Variants in NRXN1 observed in about 807,000 individuals in gnomAD.
The protein encoded by NRXN1 is neurexin-1.
Under a neutral mutation model 150.9 loss-of-function variants are expected in NRXN1, and 39 were observed. The ratio of observed to expected loss-of-function variants is 0.26; its 90% confidence interval spans 0.20 to 0.34. The LOEUF (loss-of-function observed/expected upper bound fraction) is 0.34, where lower values mean the gene tolerates loss of function less well. NRXN1 is among the 10% of genes least tolerant of loss of function. NRXN1 has a pLI of 1.00. For missense variants in NRXN1, 1,815 were observed against 1,949.9 expected, an observed-to-expected ratio of 0.93 and a Z score of 1.30; for synonymous variants, 924 against 757.0, an observed-to-expected ratio of 1.22 and a Z score of -3.62.
chr2:50,456,491 G>T (rs888161628), intron 17 of NRXN1, among the ~76,000 whole-genome samples: 4 of 152,014 alleles, frequency 2.6e-5, no homozygotes, highest in East Asian at 3.9e-4. Context: ...CCCCATAAAA[G>T]AATTCTATAC....
At chr2:50,594,928 T>A (rs906254966) in intron 8 of NRXN1, among the ~76,000 whole-genome samples, 6 of 151,878 alleles carry the variant, frequency 4.0e-5, no homozygotes, top group Admixed American at 1.3e-4. Context: ...ATTCATATTG[T>A]GTCTTTTGTC....
intron 5 of NRXN1, among the ~76,000 whole-genome samples, chr2:50,726,603 T>C (rs1697390209): frequency 6.6e-6 from 1 of 152,214 alleles, no homozygotes; most frequent in African/African-American, 2.4e-5. Context: ...CATTTTATAT[T>C]TGAGAAAACT....
At chr2:50,890,893 A>T (rs1680943761) in intron 5 of NRXN1, among the ~76,000 whole-genome samples, 1 of 151,986 alleles carries the variant, frequency 6.6e-6, no homozygotes, top group African/African-American at 2.4e-5. Flanking sequence ...CAGTAATATC[A>T]TTATTCTTAA....
chr2:50,468,366 C>T (rs900814959), intron 16 of NRXN1, among the ~76,000 whole-genome samples: 1 of 151,506 alleles, frequency 6.6e-6, no homozygotes, highest in African/African-American at 2.4e-5. Context: ...TCACAATAGT[C>T]TTTATATTCA....
chr2:49,970,333 G>A (rs959508109), intron 21 of NRXN1: 2 of 152,032 alleles, frequency 1.3e-5, no homozygotes, highest in African/African-American at 4.8e-5. Flanking sequence ...AATTTGAGGA[G>A]CAAATGGAAA....
chr2:50,887,047 CTTAT>C (rs1156558390), intron 5 of NRXN1, among the ~76,000 whole-genome samples: 1 of 151,152 alleles, frequency 6.6e-6, no homozygotes, highest in Non-Finnish European at 1.5e-5. Context: ...AGTTGTTAGT[CTTAT>C]TCATCACTTT....
intron 5 of NRXN1, among the ~76,000 whole-genome samples, chr2:50,666,773 A>G (rs2104690384): frequency 6.6e-6 from 1 of 152,036 alleles, no homozygotes. Flanking sequence ...TAGAACTACT[A>G]ACCCAGTATT....
chr2:50,699,730 C>A (rs1693458414), intron 5 of NRXN1, among the ~76,000 whole-genome samples: 1 of 152,012 alleles, frequency 6.6e-6, no homozygotes. Context: ...GCCCTGCCAA[C>A]ACCTTGCCTT....
rs115336916 is a variant in NRXN1, at chr2:50,428,106, G to A, written c.3364+37336C>T. ...AGGGGGATTGTCAATCAAGAGAAGCGAGGATAAGATGAAAAATAAAGGCAA... is the reference window on the plus strand; with the variant it reads ...AGGGGGATTGTCAATCAAGAGAAGCAAGGATAAGATGAAAAATAAAGGCAA... On this transcript the variant is annotated intron_variant, in intron 17 of 22. Transcript: ENST00000401669. Among the ~76,000 whole-genome samples, 608 of 152,150 alleles carry A rather than the reference G, an allele frequency of 4.0e-3. 4 individuals carry two copies. The highest frequency in any genetic ancestry group is 0.014 in the African/African-American group (576 of 41,500).
intron 17 of NRXN1, among the ~76,000 whole-genome samples, chr2:50,350,509 T>C (rs1249439241): frequency 6.6e-6 from 1 of 152,126 alleles, no homozygotes; most frequent in Admixed American, 6.5e-5. Context: ...AACACAAACG[T>C]TTGCCATTCT....
intron 5 of NRXN1, among the ~76,000 whole-genome samples, chr2:50,661,835 G>A (rs1426223272): frequency 6.6e-6 from 1 of 151,992 alleles, no homozygotes; most frequent in Non-Finnish European, 1.5e-5. Flanking sequence ...ACATGCAAAC[G>A]CTGTGGTAGC....
intron 18 of NRXN1, among the ~76,000 whole-genome samples, chr2:50,093,625 C>T (rs919053322): frequency 6.6e-6 from 1 of 152,070 alleles, no homozygotes; most frequent in Non-Finnish European, 1.5e-5. Flanking sequence ...CAGCGTAAGA[C>T]CCTGTCTCAA....
At chr2:50,634,010 G>A (rs141453576) in intron 5 of NRXN1, among the ~76,000 whole-genome samples, 1 of 152,118 alleles carries the variant, frequency 6.6e-6, no homozygotes, top group African/African-American at 2.4e-5. Flanking sequence ...AGAATAGAAA[G>A]AATAGGAAAA....
intron 5 of NRXN1, among the ~76,000 whole-genome samples, chr2:50,770,233 C>T (rs1462985153): frequency 5.9e-5 from 9 of 151,990 alleles, no homozygotes; most frequent in Admixed American, 5.9e-4. Context: ...AAAACAGAGT[C>T]TATTTTACAC....
intron 21 of NRXN1, among the ~76,000 whole-genome samples, chr2:50,037,786 T>C (rs1488940611): frequency 6.6e-6 from 1 of 152,188 alleles, no homozygotes; most frequent in Non-Finnish European, 1.5e-5. Context: ...GTTGTGTAAG[T>C]GCAATACCAT....
chr2:50,513,661 G>A (rs950385723), intron 12 of NRXN1, among the ~76,000 whole-genome samples: 1 of 152,066 alleles, frequency 6.6e-6, no homozygotes, highest in African/African-American at 2.4e-5. Flanking sequence ...ACTGGTTTAT[G>A]AATGTGGAGG....
intron 17 of NRXN1, among the ~76,000 whole-genome samples, chr2:50,270,097 G>A (rs1377110556): frequency 6.6e-6 from 1 of 152,028 alleles, no homozygotes; most frequent in East Asian, 1.9e-4. Context: ...AAGGAAATTT[G>A]TATTTCAAGG....
chr2:50,391,794 A>C (rs746857124), intron 17 of NRXN1, among the ~76,000 whole-genome samples: 3 of 152,174 alleles, frequency 2.0e-5, no homozygotes, highest in African/African-American at 2.4e-5. Flanking sequence ...CAAATGGCTT[A>C]GGGATGAATG....
At chr2:50,637,867 C>T (rs966989191) in intron 5 of NRXN1, among the ~76,000 whole-genome samples, 2 of 150,146 alleles carry the variant, frequency 1.3e-5, no homozygotes, top group African/African-American at 5.0e-5. Context: ...GTATTTAGAT[C>T]TAGTATTTAA....
Sources: gnomAD v4.1 joint callset for allele counts (sites outside exome capture counted in the v4.1 genomes callset) on GRCh38, gnomAD v4.1.1 for gene constraint, MANE v1.5 for transcripts, NCBI Gene and HGNC (gene_info 2026-07-23, HGNC 2026-07-21) for gene names.